DNAL1: variants seen among roughly 807,000 people sequenced by gnomAD.
The protein encoded by DNAL1 is dynein axonemal light chain 1.
Under a neutral mutation model 29.4 loss-of-function variants are expected in DNAL1, and 17 were observed. The ratio of observed to expected loss-of-function variants is 0.58; its 90% CI spans 0.40 to 0.87. DNAL1 has a LOEUF of 0.87. Ranked by LOEUF, DNAL1 falls within the 40% of genes least tolerant of loss-of-function variation. The pLI, the probability that DNAL1 is intolerant of heterozygous loss-of-function variation, is 0.00. For synonymous variants in DNAL1, 78 were observed against 76.3 expected (o/e 1.02, Z -0.12); for missense variants, 188 against 214.1 (o/e 0.88, Z 0.76).
At chr14:73,675,479 T>A (rs528673912) in intron 5 of DNAL1, among the ~76,000 whole-genome samples, 108 of 149,502 alleles carry the variant, frequency 7.2e-4, no homozygotes, top group African/African-American at 2.2e-3. Flanking sequence ...AAAAAAAAAA[T>A]TTTTTTTTTG....
At chr14:73,668,383 C>T (rs1891537245) in intron 4 of DNAL1, among the ~76,000 whole-genome samples, 1 of 151,968 alleles carries the variant, frequency 6.6e-6, no homozygotes, top group Non-Finnish European at 1.5e-5. Flanking sequence ...ATCGAATAAG[C>T]GTTTAATTCT....
Position 73,661,977 on chromosome 14 carries a change from T to G in DNAL1, c.153-10T>G. 6.5e-7 allele frequency: 1 copy of G among 1,537,318 alleles called. No individual in the cohort carries two copies. Among genetic ancestry groups the G allele is most frequent in the Non-Finnish European group, 8.8e-7 (1 of 1,141,758 alleles). ...TTTTCACATTAAATTTTTTCTTTGTTCTTTTAAAGGAAGCTTTCACTGTCT... is the reference window on the plus strand; with the variant it reads ...TTTTCACATTAAATTTTTTCTTTGTGCTTTTAAAGGAAGCTTTCACTGTCT... On this transcript the variant is annotated splice_polypyrimidine_tract_variant and intron_variant, in intron 3 of 7. Transcript: ENST00000553645.
At chr14:73,684,878 A>G (rs1033209595) in intron 5 of DNAL1, among the ~76,000 whole-genome samples, 1 of 152,198 alleles carries the variant, frequency 6.6e-6, no homozygotes, top group Admixed American at 6.5e-5. Context: ...TGCGTAACAG[A>G]TCGAGACTCT....
intron 1 of DNAL1, among the ~76,000 whole-genome samples, chr14:73,646,956 A>T (rs899494194): frequency 2.6e-5 from 4 of 152,132 alleles, no homozygotes; most frequent in African/African-American, 9.7e-5. Flanking sequence ...ATTTAAAAAA[A>T]TTTATCTTTC....
rs911153787 is a variant in DNAL1, at chr14:73,647,953, C to T, written c.3+2911C>T. On this transcript the variant is annotated intron_variant, in intron 1 of 7. Coordinates refer to ENST00000553645, the MANE Select transcript of DNAL1 (RefSeq NM_031427.4). ...TGGCTTGACCAGTGTTTACTTCCTC[C>T]GGCAGTGCAGGAGAGTTCCATTTCT... is the stretch of plus-strand genomic sequence containing the variant. Among the ~76,000 whole-genome samples the T allele has an allele frequency of 5.3e-5, 8 of 152,132 alleles. No individual in the cohort carries two copies. The East Asian group carries it at 1.2e-3, about 22-fold the overall frequency.
intron 6 of DNAL1, among the ~76,000 whole-genome samples, chr14:73,687,949 G>T (rs562697348): frequency 6.6e-6 from 1 of 151,592 alleles, no homozygotes; most frequent in East Asian, 1.9e-4. Flanking sequence ...TAACAAACCT[G>T]CACGTTGTAC....
intron 7 of DNAL1, among the ~76,000 whole-genome samples, chr14:73,691,107 G>A (rs1343889444): frequency 6.6e-6 from 1 of 152,106 alleles, no homozygotes; most frequent in African/African-American, 2.4e-5. Flanking sequence ...TCTAAAAACT[G>A]GAGATGATAA....
chr14:73,651,927 G>C (rs780984522), intron 1 of DNAL1, among the ~76,000 whole-genome samples: 1 of 152,068 alleles, frequency 6.6e-6, no homozygotes, highest in Non-Finnish European at 1.5e-5. Flanking sequence ...AAAGTGCTAG[G>C]ATTACAGGCG....
intron 7 of DNAL1, among the ~76,000 whole-genome samples, chr14:73,694,415 C>T (rs79702252): frequency 1.6e-3 from 251 of 152,160 alleles, no homozygotes; most frequent in African/African-American, 5.9e-3. Context: ...AGCTGGAGTG[C>T]AGGGTAAATG....
rs770035569 is a variant in DNAL1 at position 73,645,002 on chromosome 14, C to A, written c.-38C>A. ...TGCGCACGCGCACTGACCCCGCGGGCCCTAGCAACCAGAGCAGTGACAGTA... is the reference window on the plus strand; with the variant it reads ...TGCGCACGCGCACTGACCCCGCGGGACCTAGCAACCAGAGCAGTGACAGTA... On this transcript the variant is annotated 5_prime_UTR_variant, in exon 1 of 8. Transcript: ENST00000553645. The A allele has an allele frequency of 1.1e-5, 18 of 1,606,814 alleles. No homozygotes were observed. The highest frequency in any genetic ancestry group is 8.0e-5 in the African/African-American group (6 of 74,802).
intron 7 of DNAL1, among the ~76,000 whole-genome samples, chr14:73,693,437 T>A (rs2140064802): frequency 6.6e-6 from 1 of 152,300 alleles, no homozygotes; most frequent in South Asian, 2.1e-4. Context: ...TCATGAACAA[T>A]AGAATACATA....
intron 7 of DNAL1, among the ~76,000 whole-genome samples, chr14:73,695,335 G>T (rs1892277514): frequency 2.0e-5 from 3 of 152,156 alleles, no homozygotes; most frequent in African/African-American, 7.2e-5. Context: ...GGAATTAGAG[G>T]CAGTGAGCCA....
At chr14:73,659,946 T>C (rs1463279064) in intron 3 of DNAL1, among the ~76,000 whole-genome samples, 1 of 152,152 alleles carries the variant, frequency 6.6e-6, no homozygotes, top group Non-Finnish European at 1.5e-5. Flanking sequence ...ATACTTTATT[T>C]TTTTGAGAAA....
intron 5 of DNAL1, among the ~76,000 whole-genome samples, chr14:73,673,959 G>C (rs1047426935): frequency 6.6e-6 from 1 of 150,598 alleles, no homozygotes; most frequent in African/African-American, 2.4e-5. Flanking sequence ...TCACATACTA[G>C]ATGACTTATT....
intron 5 of DNAL1, among the ~76,000 whole-genome samples, chr14:73,673,365 TAGCATGTA>T (rs749825751): frequency 1.4e-4 from 21 of 152,328 alleles, no homozygotes; most frequent in Middle Eastern, 3.4e-3. Flanking sequence ...AGTATTACTA[TAGCATGTA>T]ATTTATTCCA....
chr14:73,676,778 T>C (rs956761816), intron 5 of DNAL1, among the ~76,000 whole-genome samples: 4 of 151,986 alleles, frequency 2.6e-5, no homozygotes, highest in African/African-American at 7.2e-5. Context: ...TCAGCAGTTA[T>C]TTGCGTATTT....
At chr14:73,682,845 CCTGT>C (rs1891921047) in intron 5 of DNAL1, among the ~76,000 whole-genome samples, 2 of 149,756 alleles carry the variant, frequency 1.3e-5, no homozygotes, top group South Asian at 4.2e-4. Context: ...TCCTTAAGGA[CCTGT>C]CTGAGGCTGT....
chr14:73,676,702 C>T (rs1369362138), intron 5 of DNAL1, among the ~76,000 whole-genome samples: 1 of 151,934 alleles, frequency 6.6e-6, no homozygotes, highest in Non-Finnish European at 1.5e-5. Context: ...TTTTCTCTCT[C>T]TCTCTCTCAA....
chr14:73,658,608 C>A lies in DNAL1; in HGVS notation c.43-239C>A, dbSNP rs544755209. Among the ~76,000 whole-genome samples, 120 of 152,076 alleles carry A rather than the reference C, an allele frequency of 7.9e-4. 1 individual carries two copies. The highest frequency in any genetic ancestry group is 2.8e-3 in the African/African-American group (118 of 41,488). ...ACAAAAATAAAAGTTTTTTTATTTT[C>A]TCCTCATTTTCATTTGGTAGGGACC... On this transcript the variant is annotated intron_variant, in intron 2 of 7. Coordinates refer to ENST00000553645, the MANE Select transcript of DNAL1 (RefSeq NM_031427.4).
Sources: gnomAD v4.1 joint callset for allele counts (sites outside exome capture counted in the v4.1 genomes callset) on GRCh38, gnomAD v4.1.1 for gene constraint, MANE v1.5 for transcripts, NCBI Gene and HGNC (gene_info 2026-07-23, HGNC 2026-07-21) for gene names.